The following TPRG1 variants were observed in gnomAD, a reference collection of about 807,000 sequenced individuals.
TPRG1 encodes tumor protein p63 regulated 1.
TPRG1 carries 29 observed loss-of-function variants against 29.3 expected under a neutral mutation model. The observed-to-expected ratio is 0.99, with a 90% CI of 0.74 to 1.35. The LOEUF is 1.35. Among genes scored for constraint, TPRG1 ranks in the 40% most tolerant of loss-of-function variants. TPRG1 has a pLI of 0.00. For missense variants in TPRG1, 327 were observed against 335.0 expected (o/e 0.98, Z 0.19); for synonymous variants, 130 against 116.8 (o/e 1.11, Z -0.73).
intron 4 of TPRG1, among the ~76,000 whole-genome samples, chr3:189,030,822 A>G (rs997042050): frequency 2.0e-5 from 3 of 152,150 alleles, no homozygotes; most frequent in Non-Finnish European, 2.9e-5. Context: ...TATTGTCACT[A>G]TCCCATTTTA....
chr3:189,075,345 G>A (rs1717097171), intron 4 of TPRG1, among the ~76,000 whole-genome samples: 1 of 151,986 alleles, frequency 6.6e-6, no homozygotes, highest in Non-Finnish European at 1.5e-5. Flanking sequence ...ATGTTGGCCA[G>A]GCTGTTCTCG....
chr3:189,113,958 C>T (rs1045014818), intron 1 of TPRG1, among the ~76,000 whole-genome samples: 3 of 151,836 alleles, frequency 2.0e-5, no homozygotes, highest in African/African-American at 7.3e-5. Flanking sequence ...ATAAAGTGTT[C>T]CCATCTATAT....
At chr3:189,110,615 CACAGTT>C (rs1426696899) in intron 1 of TPRG1, among the ~76,000 whole-genome samples, 2 of 151,824 alleles carry the variant, frequency 1.3e-5, no homozygotes, top group Non-Finnish European at 2.9e-5. Context: ...TTGCTTATTC[CACAGTT>C]ACAAAGTTTT....
rs528038127 is a variant in TPRG1, at chr3:188,997,544, G to A, written c.-1015-3230G>A. Among the ~76,000 whole-genome samples the A allele has an allele frequency of 6.5e-4, 99 of 152,312 alleles. 1 individual carries two copies. The highest frequency in any genetic ancestry group is 1.0e-3 in the South Asian group (5 of 4,824). The stretch of plus-strand genomic sequence containing the variant: ...CAGTTGTTCCAGTTTGCCAGAGGCT[G>A]AGAGGGTTACTGGAACATGAGAATT... On this transcript the variant is annotated intron_variant, in intron 1 of 10. Transcript: ENST00000433971.
chr3:189,070,037 C>T (rs1212987899), intron 4 of TPRG1, among the ~76,000 whole-genome samples: 2 of 151,922 alleles, frequency 1.3e-5, no homozygotes, highest in Admixed American at 1.3e-4. Flanking sequence ...GCAGAGATCA[C>T]GCCACTGCAC....
chr3:189,298,071 G>A (rs1720248919), intron 4 of TPRG1, among the ~76,000 whole-genome samples: 1 of 152,144 alleles, frequency 6.6e-6, no homozygotes, highest in South Asian at 2.1e-4. Flanking sequence ...CAATATTATT[G>A]CAACACGAAG....
chr3:189,193,504 A>G (rs1732040695), intron 1 of TPRG1, among the ~76,000 whole-genome samples: 1 of 152,034 alleles, frequency 6.6e-6, no homozygotes, highest in South Asian at 2.1e-4. Context: ...TAGGTTTTCC[A>G]TACACTTTCC....
At chr3:189,295,922 A>AC (rs981307357) in intron 4 of TPRG1, among the ~76,000 whole-genome samples, 23 of 103,270 alleles carry the variant, frequency 2.2e-4, no homozygotes, top group African/African-American at 1.0e-3. Flanking sequence ...TTAAAAAAAA[A>AC]AAAAAAAAAA....
chr3:189,322,998 G>C lies in TPRG1; in HGVS notation c.*2178G>C, dbSNP rs1460659773. Reference sequence around the variant, plus strand: ...TAGGCTATCCCCTTAATTGATAAATGGGATCTAGAAAGCGGTATTATGACC... The same window carrying C: ...TAGGCTATCCCCTTAATTGATAAATCGGATCTAGAAAGCGGTATTATGACC... On this transcript the variant is annotated 3_prime_UTR_variant, in exon 6 of 6. Coordinates refer to ENST00000345063, the MANE Select transcript of TPRG1 (RefSeq NM_198485.4). 1 of 152,070 alleles carries C rather than the reference G, an allele frequency of 6.6e-6. No individual in the cohort carries two copies. The highest frequency in any genetic ancestry group is 1.5e-5 in the Non-Finnish European group (1 of 68,014). The allele number at this position is 152,070 out of a possible 1,614,324, so 9.4% of individuals were successfully genotyped here.
chr3:189,086,325 GTCT>G (rs1359083229), intron 4 of TPRG1, among the ~76,000 whole-genome samples: 29 of 151,866 alleles, frequency 1.9e-4, no homozygotes, highest in South Asian at 4.2e-4. Context: ...TTGTGGGTGG[GTCT>G]TCTTCTCCCA....
rs1443152267 is a variant in TPRG1 at position 189,284,337 on chromosome 3, G to A, written c.480-26049G>A. Among the ~76,000 whole-genome samples the A allele has an allele frequency of 3.4e-5, 5 of 148,354 alleles. No individual in the cohort carries two copies. The South Asian group carries it at 1.1e-3, about 32-fold the overall frequency. On this transcript the variant is annotated intron_variant, in intron 4 of 5. Coordinates refer to ENST00000345063, the MANE Select transcript of TPRG1 (RefSeq NM_198485.4). ...TTTAACATTAGGTATATCTCCTAAT[G>A]CTATCCCTCCCCCCCCCTCCCCCCA...
At chr3:189,221,868 G>A (rs990231282) in intron 3 of TPRG1, among the ~76,000 whole-genome samples, 6 of 152,170 alleles carry the variant, frequency 3.9e-5, no homozygotes, top group African/African-American at 1.4e-4. Flanking sequence ...ATGACCTGCC[G>A]AAGGGCAACC....
At chr3:189,122,550 G>A (rs1392310614) in intron 1 of TPRG1, among the ~76,000 whole-genome samples, 1 of 152,196 alleles carries the variant, frequency 6.6e-6, no homozygotes, top group Non-Finnish European at 1.5e-5. Context: ...GGTATTAAAG[G>A]AGTCTTTGTT....
rs1269296808 is a variant in TPRG1 at position 189,324,193 on chromosome 3, C to G, written c.*3373C>G. On this transcript the variant is annotated 3_prime_UTR_variant, in exon 6 of 6. Transcript: ENST00000345063. ...CCTTTGTTTAAACCTTCTTAGGAAG[C>G]CAGTTTGTAGAGTTCTGGGGATAAG... 2 of 152,026 alleles carry G rather than the reference C, an allele frequency of 1.3e-5. No homozygotes were observed. Among genetic ancestry groups the G allele is most frequent in the African/African-American group, 4.8e-5 (2 of 41,400 alleles). The allele number at this position is 152,026 out of a possible 1,614,324, so 9.4% of individuals were successfully genotyped here.
intron 4 of TPRG1, among the ~76,000 whole-genome samples, chr3:189,252,722 C>G (rs887521160): frequency 6.6e-6 from 1 of 152,058 alleles, no homozygotes. Flanking sequence ...TAATATAAAA[C>G]CTTGGGAGAC....
chr3:189,173,205 A>ATG (rs1560512295), intron 1 of TPRG1, among the ~76,000 whole-genome samples: 3 of 151,610 alleles, frequency 2.0e-5, no homozygotes, highest in African/African-American at 4.8e-5. Context: ...GCATGTGTGT[A>ATG]TGTGTGTGTG....
In TPRG1 at chr3:189,198,537, G is replaced by A. The variant is rs192301367; in HGVS notation, c.-9-8839G>A. Among the ~76,000 whole-genome samples the A allele has an allele frequency of 9.8e-5, 15 of 152,288 alleles. No individual in the cohort carries two copies. The East Asian group carries it at 1.7e-3, about 18-fold the overall frequency. On this transcript the variant is annotated intron_variant, in intron 1 of 5. Coordinates refer to ENST00000345063, the MANE Select transcript of TPRG1 (RefSeq NM_198485.4). Reference sequence around the variant, plus strand: ...GTCCACAAACATTTACTGAGCACTCGCTGTGTATGAGGAAATGCGCACAGA... The same window carrying A: ...GTCCACAAACATTTACTGAGCACTCACTGTGTATGAGGAAATGCGCACAGA...
rs149478955 is a variant in TPRG1 at position 189,206,012 on chromosome 3, TTTCC to T, written c.-9-1333_-9-1330del. On this transcript the variant is annotated intron_variant, in intron 1 of 5. Transcript: ENST00000345063. Reference sequence around the variant, plus strand: ...GCCTGTATATACATATGCAGGTACATTTCCTTCCTTCCTTCCTTCCTTCCTTCCT... The same window carrying T: ...GCCTGTATATACATATGCAGGTACATTTCCTTCCTTCCTTCCTTCCTTCCT... 1.3e-3 allele frequency among the ~76,000 whole-genome samples: 165 copies of T among 125,736 alleles called. 1 individual carries two copies. Among genetic ancestry groups the T allele is most frequent in the Middle Eastern group, 3.8e-3 (1 of 262 alleles). The allele number at this position is 125,736 out of a possible 152,430, so 82.5% of individuals were successfully genotyped here. A position where few individuals can be genotyped will look rare whatever the true frequency, so the allele number is the denominator to read the frequency against.
chr3:189,046,376 C>T (rs1714978379), intron 4 of TPRG1, among the ~76,000 whole-genome samples: 1 of 152,196 alleles, frequency 6.6e-6, no homozygotes, highest in Admixed American at 6.5e-5. Context: ...CTAATCAGAT[C>T]TGCTTCTCAG....
Sources: allele counts gnomAD v4.1 joint callset (sites outside exome capture counted in the v4.1 genomes callset), GRCh38; gene constraint gnomAD v4.1.1; transcripts MANE v1.5; gene names NCBI Gene and HGNC (gene_info 2026-07-23, HGNC 2026-07-21).